Variants in APLP2 observed in about 807,000 individuals in gnomAD.
APLP2 encodes the protein CDEI box-binding protein.
In APLP2, 53 loss-of-function variants were observed where a neutral mutation model predicts 89.9. The observed-to-expected ratio is 0.59, with a 90% CI of 0.47 to 0.74. The LOEUF is 0.74. Among genes scored for constraint, APLP2 ranks in the 30% least tolerant of loss-of-function variants. The pLI is 0.00. For missense variants in APLP2, 973 were observed against 975.9 expected, an observed-to-expected ratio of 1.00 and a Z score of 0.04; for synonymous variants, 372 against 348.6, an observed-to-expected ratio of 1.07 and a Z score of -0.75.
chr11:130,142,154 C>T (rs1477093205), intron 16 of APLP2, 80 bp downstream of exon 16: 4 of 1,414,498 alleles, frequency 2.8e-6, no homozygotes, highest in Non-Finnish European at 3.8e-6. Context: ...TAATAGGCAT[C>T]TTCACTCCTC....
chr11:130,086,094 C>T (rs1944067138), intron 1 of APLP2, among the ~76,000 whole-genome samples: 1 of 152,190 alleles, frequency 6.6e-6, no homozygotes, highest in Non-Finnish European at 1.5e-5. Context: ...TAATTCTGTG[C>T]TTAAATTTTT....
rs1205339100 is a variant in APLP2 at position 130,143,910 on chromosome 11, T to C, written c.*462T>C. ...AAGAAAAAAAAGGCAGTATTCCCTT[T>C]TTAAATGAGCTTTCAGGAAGTTGCT... is the stretch of plus-strand genomic sequence containing the variant. On this transcript the variant is annotated 3_prime_UTR_variant, in exon 17 of 17. Coordinates refer to ENST00000338167, the MANE Select transcript of APLP2 (RefSeq NM_001142276.2). The C allele has an allele frequency of 6.4e-6, 1 of 155,974 alleles. No homozygotes were observed. Among genetic ancestry groups the C allele is most frequent in the Non-Finnish European group, 1.4e-5 (1 of 70,572 alleles). 9.7% of individuals were successfully genotyped at this position (155,974 alleles called of 1,614,324 possible).
chr11:130,139,113 C>T (rs1450540616), intron 13 of APLP2: 3 of 152,198 alleles, frequency 2.0e-5, no homozygotes, highest in African/African-American at 7.2e-5. Context: ...TTCATGGGCA[C>T]TTTGAGACAA....
intron 1 of APLP2, among the ~76,000 whole-genome samples, chr11:130,087,828 C>T (rs958043153): frequency 1.3e-5 from 2 of 151,740 alleles, no homozygotes; most frequent in African/African-American, 2.4e-5. Flanking sequence ...TCCTCAGGAT[C>T]TACATTAAAA....
At chr11:130,095,614 G>C (rs571051154) in intron 1 of APLP2, among the ~76,000 whole-genome samples, 2 of 152,362 alleles carry the variant, frequency 1.3e-5, no homozygotes, top group South Asian at 4.1e-4. Context: ...TGTCCTTCTC[G>C]TGTGAGCTCT....
chr11:130,116,358 A>C (rs1369641276), intron 3 of APLP2, among the ~76,000 whole-genome samples: 1 of 152,236 alleles, frequency 6.6e-6, no homozygotes, highest in Non-Finnish European at 1.5e-5. Context: ...TCTGTTGTAT[A>C]TATGTATCAT....
rs1591744775 is a variant in APLP2 at position 130,070,535 on chromosome 11, C to T, written c.105+453C>T. ...TCGCGCGGCACCGGGGCCTCGGCTC[C>T]GGGCCTCCCACCTGCGAGCGGCGGG... is the stretch of plus-strand genomic sequence containing the variant. On this transcript the variant is annotated intron_variant, in intron 1 of 16. Transcript: ENST00000338167. 1.9e-5 allele frequency: 24 copies of T among 1,267,098 alleles called. No individual in the cohort carries two copies. The East Asian group carries it at 4.3e-4, about 23-fold the overall frequency. The allele number at this position is 1,267,098 out of a possible 1,614,324, so 78.5% of individuals were successfully genotyped here. A position where few individuals can be genotyped will look rare whatever the true frequency, so the allele number is the denominator to read the frequency against.
intron 1 of APLP2, among the ~76,000 whole-genome samples, chr11:130,088,154 A>G (rs899618368): frequency 5.3e-5 from 8 of 152,182 alleles, no homozygotes; most frequent in Non-Finnish European, 8.8e-5. Context: ...GATGGCCCCA[A>G]AATTACCCCA....
intron 3 of APLP2, among the ~76,000 whole-genome samples, chr11:130,115,716 A>G (rs1449202133): frequency 3.3e-5 from 5 of 152,220 alleles, no homozygotes; most frequent in East Asian, 1.9e-4. Flanking sequence ...ACCATTTTCA[A>G]TGTTCTGTAA....
In APLP2 at chr11:130,133,529, G is replaced by A. The variant is rs1420090194; in HGVS notation, c.1585-100G>A. 8.7e-6 allele frequency: 7 copies of A among 801,404 alleles called. No homozygotes were observed. In the East Asian group the frequency reaches 1.7e-4, roughly 20 times the overall value. The allele number at this position is 801,404 out of a possible 1,614,324, so 49.6% of individuals were successfully genotyped here. ...CTCTGTAGAGAATATGCTTTGTAAAGTGGTTTTTCCAGAAGTTGTGTCGAT... is the reference window on the plus strand; with the variant it reads ...CTCTGTAGAGAATATGCTTTGTAAAATGGTTTTTCCAGAAGTTGTGTCGAT... On this transcript the variant is annotated intron_variant, in intron 11 of 16. Coordinates refer to ENST00000338167, the MANE Select transcript of APLP2 (RefSeq NM_001142276.2).
chr11:130,102,987 C>A (rs1211079343), intron 1 of APLP2, among the ~76,000 whole-genome samples: 1 of 152,206 alleles, frequency 6.6e-6, no homozygotes, highest in Admixed American at 6.5e-5. Flanking sequence ...GGCTTCAGTG[C>A]CAACACATGG....
rs1431475675 is a variant in APLP2 at position 130,144,651 on chromosome 11, C to T, written c.*1203C>T. The T allele has an allele frequency of 6.6e-6, 1 of 152,480 alleles. No individual in the cohort carries two copies. Among genetic ancestry groups the T allele is most frequent in the African/African-American group, 2.4e-5 (1 of 41,372 alleles). 9.4% of individuals were successfully genotyped at this position (152,480 alleles called of 1,614,324 possible). ...GTGGTGTATTTTTATTTTCCTGTGACTGTTTTTGTTTTGTTTTTTTCCTTT... is the reference window on the plus strand; with the variant it reads ...GTGGTGTATTTTTATTTTCCTGTGATTGTTTTTGTTTTGTTTTTTTCCTTT... On this transcript the variant is annotated 3_prime_UTR_variant, in exon 17 of 17. Transcript: ENST00000338167.
chr11:130,070,130 G>A (rs1940593483), intron 1 of APLP2, 48 bp downstream of exon 1: 3 of 1,254,064 alleles, frequency 2.4e-6, no homozygotes, highest in Non-Finnish European at 3.1e-6. Context: ...GCCCGCCGGA[G>A]GAGCGCGGAC....
intron 1 of APLP2, among the ~76,000 whole-genome samples, chr11:130,085,091 A>G (rs1032060110): frequency 2.0e-5 from 3 of 152,240 alleles, no homozygotes; most frequent in East Asian, 3.8e-4. Flanking sequence ...CCAAGACTGA[A>G]TCATGAAGAA....
At chr11:130,107,193 G>A (rs955993073) in intron 1 of APLP2, among the ~76,000 whole-genome samples, 3 of 152,028 alleles carry the variant, frequency 2.0e-5, no homozygotes, top group African/African-American at 7.3e-5. Flanking sequence ...TTCTTTTGTG[G>A]GTAAATTAAG....
chr11:130,122,214 G>A (rs910739236), intron 5 of APLP2, 91 bp from the exon 6 acceptor site: 3 of 1,457,776 alleles, frequency 2.1e-6, no homozygotes, highest in Non-Finnish European at 2.8e-6. Flanking sequence ...TCCTGCCTCT[G>A]TTTTTGTGTT....
chr11:130,091,123 G>T (rs1226508427), intron 1 of APLP2, among the ~76,000 whole-genome samples: 26 of 136,794 alleles, frequency 1.9e-4, no homozygotes, highest in Middle Eastern at 4.9e-3. Context: ...GGACGGGGCG[G>T]CTGGCCGGGC....
At chr11:130,120,597 A>T in intron 3 of APLP2, 109 bp from the exon 4 acceptor site, 1 of 769,064 alleles carries the variant, frequency 1.3e-6, no homozygotes, top group Non-Finnish European at 2.3e-6. Context: ...CTGCTCGTAT[A>T]CATGAGACTG....
chr11:130,087,676 A>C (rs116851819), intron 1 of APLP2, among the ~76,000 whole-genome samples: 1,724 of 152,344 alleles, frequency 0.011, 13 homozygotes, highest in Non-Finnish European at 0.016. Flanking sequence ...ACCACATTTC[A>C]TAGCAGAATG....
Sources: allele counts gnomAD v4.1 joint callset (sites outside exome capture counted in the v4.1 genomes callset), GRCh38; gene constraint gnomAD v4.1.1; transcripts MANE v1.5; gene names NCBI Gene and HGNC (gene_info 2026-07-23, HGNC 2026-07-21).